Variants in TACC2 observed in about 807,000 individuals in gnomAD.
TACC2 encodes the protein transforming acidic coiled-coil containing protein 2.
Under a neutral mutation model 227.3 loss-of-function variants are expected in TACC2, and 137 were observed. The observed-to-expected ratio is 0.60, with a 90% confidence interval of 0.52 to 0.69. The LOEUF (loss-of-function observed/expected upper bound fraction) is 0.69, where lower values mean the gene tolerates loss of function less well. Among genes scored for constraint, TACC2 ranks in the 30% least tolerant of loss-of-function variants. TACC2 has a pLI of 0.00. For synonymous variants in TACC2, 1,523 were observed against 1,487.5 expected (o/e 1.02, Z -0.55); for missense variants, 3,470 against 3,694.4 (o/e 0.94, Z 1.57).
intron 5 of TACC2, among the ~76,000 whole-genome samples, chr10:122,107,759 A>T (rs1325864623): frequency 6.7e-6 from 1 of 150,042 alleles, no homozygotes; most frequent in Non-Finnish European, 1.5e-5. Context: ...GTGATTTCTG[A>T]GATTTTGGTG....
At chr10:122,226,045 G>T (rs1398792495) in intron 12 of TACC2, among the ~76,000 whole-genome samples, 1 of 152,202 alleles carries the variant, frequency 6.6e-6, no homozygotes, top group Non-Finnish European at 1.5e-5. Context: ...GGCCAGCACA[G>T]CTCCTGGCCC....
chr10:122,123,756 T>C (rs530553714), intron 5 of TACC2, among the ~76,000 whole-genome samples: 5 of 151,506 alleles, frequency 3.3e-5, no homozygotes, highest in Non-Finnish European at 7.4e-5. Flanking sequence ...TGTTCTGAAG[T>C]GGGGTGCACA....
chr10:122,199,229 A>G (rs911046945), intron 8 of TACC2, among the ~76,000 whole-genome samples: 2 of 152,222 alleles, frequency 1.3e-5, no homozygotes, highest in South Asian at 2.1e-4. Flanking sequence ...AGCCAAGGGT[A>G]TACAGATTCA....
Position 122,254,276 on chromosome 10 carries a change from T to C in TACC2, c.*220T>C. On this transcript the variant is annotated 3_prime_UTR_variant, in exon 23 of 23. Transcript: ENST00000369005. ...TTTCCTAGTATAATTCATAGCAAGT[T>C]GACCTCAGAGTTCCTGTATCAGGGA... 1.7e-6 allele frequency: 1 copy of C among 592,174 alleles called. No homozygotes were observed. The highest frequency in any genetic ancestry group is 3.1e-6 in the Non-Finnish European group (1 of 324,724). 36.7% of individuals were successfully genotyped at this position (592,174 alleles called of 1,614,324 possible).
intron 1 of TACC2, among the ~76,000 whole-genome samples, chr10:122,016,413 G>A (rs762335192): frequency 4.2e-4 from 64 of 151,820 alleles, no homozygotes; most frequent in Middle Eastern, 3.4e-3. Context: ...CTAAAACTAC[G>A]AAAATTAGCT....
At chr10:122,118,774 A>G (rs917431366) in intron 5 of TACC2, among the ~76,000 whole-genome samples, 3 of 152,166 alleles carry the variant, frequency 2.0e-5, no homozygotes, top group Non-Finnish European at 4.4e-5. Context: ...TTGAGACTTC[A>G]GTTTGTTGTT....
chr10:122,090,546 CAA>C (rs1188822419), intron 5 of TACC2, among the ~76,000 whole-genome samples: 2,955 of 40,878 alleles, frequency 0.072, 32 homozygotes, highest in South Asian at 0.18. Flanking sequence ...GACTCTATCT[CAA>C]AAAAAAAAAA....
intron 1 of TACC2, among the ~76,000 whole-genome samples, chr10:122,014,219 C>A (rs374048868): frequency 1.2e-4 from 16 of 137,520 alleles, no homozygotes; most frequent in African/African-American, 4.2e-4. Context: ...TGAAATGAGA[C>A]CTGTGTAATT....
chr10:122,226,547 A>C, intron 13 of TACC2, 66 bp downstream of exon 13: 2 of 1,160,160 alleles, frequency 1.7e-6, no homozygotes, highest in Non-Finnish European at 2.5e-6. Context: ...GAGCACCTTC[A>C]TGCTGTTATT....
Position 122,141,867 on chromosome 10 carries a change from A to G in TACC2, c.5700-1705A>G, listed in dbSNP as rs2090613576. ...GCAGTGTAATTTCTTGAGAAAGCGA[A>G]GTTAGACTAGTAGTTTGCGTTTGTA... On this transcript the variant is annotated intron_variant, in intron 6 of 22. Coordinates refer to ENST00000369005, the MANE Select transcript of TACC2 (RefSeq NM_206862.4). This position sits in a 1 kb window ranked among gnomAD's most constrained non-coding sequence, Gnocchi z 4.3. 6.6e-6 allele frequency among the ~76,000 whole-genome samples: 1 copy of G among 152,196 alleles called. No individual in the cohort carries two copies. Among genetic ancestry groups the G allele is most frequent in the Non-Finnish European group, 1.5e-5 (1 of 68,052 alleles).
At chr10:122,055,706 C>G (rs909569631) in intron 3 of TACC2, among the ~76,000 whole-genome samples, 5 of 152,062 alleles carry the variant, frequency 3.3e-5, no homozygotes, top group Non-Finnish European at 5.9e-5. Flanking sequence ...CCCTTGAACG[C>G]AAAATAAAAG....
At chr10:122,028,134 C>T (rs1327168818) in intron 2 of TACC2, among the ~76,000 whole-genome samples, 8 of 118,080 alleles carry the variant, frequency 6.8e-5, no homozygotes, top group Non-Finnish European at 1.3e-4. Flanking sequence ...GTCACCCAGA[C>T]TGGAGTGCAG....
In TACC2 at chr10:122,194,595, A is replaced by G. The variant is rs2094506977; in HGVS notation, c.5835-445A>G. ...GAAAGACAGTAAACACTACTAGAAT[A>G]AGTCTATACTCACAAGTTATGAGAG... On this transcript the variant is annotated intron_variant, in intron 7 of 22. Transcript: ENST00000369005. This position sits in a 1 kb window ranked among gnomAD's most constrained non-coding sequence, Gnocchi z 4.4. Among the ~76,000 whole-genome samples, 1 of 152,188 alleles carries G rather than the reference A, an allele frequency of 6.6e-6. No individual in the cohort carries two copies. Among genetic ancestry groups the G allele is most frequent in the Non-Finnish European group, 1.5e-5 (1 of 68,024 alleles).
rs779326266 is a variant in TACC2 at position 122,085,755 on chromosome 10, C to A, written c.3255C>A (p.Thr1085=). 1.2e-6 allele frequency: 2 copies of A among 1,613,844 alleles called. No individual in the cohort carries two copies. Among genetic ancestry groups the A allele is most frequent in the East Asian group, 4.5e-5 (2 of 44,870 alleles). Residue 1085 remains threonine (T), a synonymous_variant, in exon 4 of 23, where the codon ACC becomes ACA. Coordinates refer to ENST00000369005, the MANE Select transcript of TACC2 (RefSeq NM_206862.4). ...CAGAGACAGAGGCATGTGATGAAAC[C>A]CAGGAAGGCAGGCAGCAACCAGTGC... is the stretch of plus-strand genomic sequence containing the variant. ...DAPETEACDE[T]QEGRQQPVPA...
At chr10:122,115,224 G>A (rs1208684697) in intron 5 of TACC2, among the ~76,000 whole-genome samples, 1 of 152,158 alleles carries the variant, frequency 6.6e-6, no homozygotes, top group Non-Finnish European at 1.5e-5. Flanking sequence ...GTAGATGGTG[G>A]TTGAATTGAA....
intron 5 of TACC2, among the ~76,000 whole-genome samples, chr10:122,091,063 A>C (rs1407776988): frequency 6.6e-6 from 1 of 152,138 alleles, no homozygotes; most frequent in African/African-American, 2.4e-5. Flanking sequence ...TCATGGCTGA[A>C]ATTGCATGAC....
Position 122,086,085 on chromosome 10 carries a change from G to A in TACC2, c.3585G>A (p.Leu1195=). The A allele has an allele frequency of 6.2e-7, 1 of 1,613,822 alleles. No homozygotes were observed. The highest frequency in any genetic ancestry group is 8.5e-7 in the Non-Finnish European group (1 of 1,180,044). The change falls in exon 4 of 23, where the codon CTG becomes CTA. Residue 1195 remains leucine (L), a synonymous_variant. Transcript: ENST00000369005. The part of the protein sequence containing the change: ...HPMASCQDAL[L]PARELGGIPR... ...TGGCCAGCTGCCAGGATGCCTTGCT[G>A]CCAGCCAGAGAGCTGGGTGGGATTC...
intron 7 of TACC2, among the ~76,000 whole-genome samples, chr10:122,186,889 CGAAGGCAAGGAAACCAAAAG>C (rs2094214891): frequency 6.6e-6 from 1 of 152,156 alleles, no homozygotes. Context: ...GATCTGTGTG[CGAAGGCAAGGAAACCAAAAG>C]GGTGGTCCGA....
chr10:122,100,138 C>T (rs1180085529), intron 5 of TACC2, among the ~76,000 whole-genome samples: 2 of 152,048 alleles, frequency 1.3e-5, no homozygotes, highest in Non-Finnish European at 2.9e-5. Flanking sequence ...GTGGCGTGCG[C>T]CTGTAGTCCC....
Sources: allele counts gnomAD v4.1 joint callset (sites outside exome capture counted in the v4.1 genomes callset), GRCh38; gene constraint gnomAD v4.1.1; non-coding constraint Gnocchi (gnomAD v3.1); transcripts MANE v1.5; gene names NCBI Gene and HGNC (gene_info 2026-07-23, HGNC 2026-07-21).